Variants in OR3A2 observed in about 807,000 individuals in gnomAD.
OR3A2 encodes olfactory receptor family 3 subfamily A member 2.
For missense variants in OR3A2, 318 were observed against 392.8 expected (o/e 0.81, Z 1.61); for synonymous variants, 126 against 159.3 (o/e 0.79, Z 1.57).
intron 2 of OR3A2, among the ~76,000 whole-genome samples, chr17:3,353,577 G>T (rs2049438683): frequency 6.6e-6 from 1 of 151,718 alleles, no homozygotes; most frequent in Non-Finnish European, 1.5e-5. Context: ...TATCATAAAG[G>T]GATGTTGGAT....
Position 3,350,246 on chromosome 17 carries a change from A to T in OR3A2, c.-178-14120T>A, listed in dbSNP as rs374321116. 4.8e-3 allele frequency among the ~76,000 whole-genome samples: 736 copies of T among 152,130 alleles called. 4 individuals are homozygous for T. Among genetic ancestry groups the T allele is most frequent in the Non-Finnish European group, 7.5e-3 (510 of 67,934 alleles). On this transcript the variant is annotated intron_variant, in intron 2 of 4. Coordinates refer to the OR3A2 transcript ENST00000573491. ...TCAAAAAATTAACGAATCCAGGAGC[A>T]GGTTTTTTGAAAGGATCAACAAAAT... is the stretch of plus-strand genomic sequence containing the variant.
chr17:3,306,999 T>C (rs1435871142), intron 3 of OR3A2, among the ~76,000 whole-genome samples: 1 of 152,252 alleles, frequency 6.6e-6, no homozygotes, highest in East Asian at 1.9e-4. Context: ...GCGCATTTTG[T>C]ACAAAAGGTT....
chr17:3,367,601 G>GTATATATAATATATATATATATATATATA lies in OR3A2; in HGVS notation c.-179+16202_-179+16203insTATATATATATATATATATATTATATATA, dbSNP rs2049575498. Among the ~76,000 whole-genome samples, 10 of 122,536 alleles carry GTATATATAATATATATATATATATATATA rather than the reference G, an allele frequency of 8.2e-5. 2 individuals carry two copies. The highest frequency in any genetic ancestry group is 2.9e-4 in the African/African-American group (8 of 28,066). 80.4% of individuals were successfully genotyped at this position (122,536 alleles called of 152,430 possible). ...TGTATATGTATATGTGTGTGTGTGTGTATATATATATATATATATATGCCA... is the reference window on the plus strand; with the variant it reads ...TGTATATGTATATGTGTGTGTGTGTGTATATATAATATATATATATATATATATATATATATATATATATATATATGCCA... On this transcript the variant is annotated intron_variant, in intron 2 of 4. Coordinates refer to the OR3A2 transcript ENST00000573491.
intron 2 of OR3A2, among the ~76,000 whole-genome samples, chr17:3,343,216 G>A (rs1039931522): frequency 6.6e-6 from 1 of 152,190 alleles, no homozygotes; most frequent in African/African-American, 2.4e-5. Flanking sequence ...CACTTCCCAG[G>A]TGAGGCGATG....
chr17:3,346,421 G>C (rs1054997835), intron 2 of OR3A2, among the ~76,000 whole-genome samples: 4 of 152,144 alleles, frequency 2.6e-5, no homozygotes, highest in African/African-American at 9.7e-5. Context: ...TGGAGGGAAT[G>C]TTCCCTGTTT....
chr17:3,327,630 C>T (rs1407432262), intron 3 of OR3A2, among the ~76,000 whole-genome samples: 1 of 114,866 alleles, frequency 8.7e-6, no homozygotes, highest in Non-Finnish European at 1.7e-5. Context: ...AAGTCCTTGC[C>T]CATGCCTATG....
downstream of OR3A2, chr17:3,277,182 T>C: frequency 6.6e-6 from 1 of 152,302 alleles, no homozygotes; most frequent in Non-Finnish European, 1.5e-5. Context: ...CGCCTCGGCC[T>C]CCCAAAGTGC....
At chr17:3,331,058 T>G (rs1190753268) in intron 3 of OR3A2, among the ~76,000 whole-genome samples, 1 of 152,248 alleles carries the variant, frequency 6.6e-6, no homozygotes, top group Non-Finnish European at 1.5e-5. Context: ...TCTTCTGGCT[T>G]GTAGGGTTTC....
chr17:3,325,273 A>T (rs9898302), intron 3 of OR3A2, among the ~76,000 whole-genome samples: 1 of 142,242 alleles, frequency 7.0e-6, no homozygotes, highest in Non-Finnish European at 1.5e-5. Context: ...GCAGTGGTGC[A>T]ATCTCAACTC....
At chr17:3,328,165 G>A (rs1013036610) in intron 3 of OR3A2, among the ~76,000 whole-genome samples, 115 of 137,332 alleles carry the variant, frequency 8.4e-4, no homozygotes, top group African/African-American at 3.1e-3. Flanking sequence ...CCATTTTCAC[G>A]ATATTGATTC....
intron 3 of OR3A2, among the ~76,000 whole-genome samples, chr17:3,309,443 C>CT (rs1226418743): frequency 9.9e-5 from 15 of 152,214 alleles, no homozygotes; most frequent in Admixed American, 3.9e-4. Context: ...ACCTAAGACT[C>CT]TATTTGTGTG....
chr17:3,348,093 TTTG>T (rs1159581692), intron 2 of OR3A2, among the ~76,000 whole-genome samples: 1 of 152,074 alleles, frequency 6.6e-6, no homozygotes, highest in Non-Finnish European at 1.5e-5. Flanking sequence ...GATGGGGTTG[TTTG>T]TTTTTTTCTT....
chr17:3,339,084 A>G (rs555664856), intron 2 of OR3A2, among the ~76,000 whole-genome samples: 3 of 152,260 alleles, frequency 2.0e-5, no homozygotes, highest in African/African-American at 7.2e-5. Flanking sequence ...TTATTGGTGT[A>G]TAAGAATGCT....
intron 3 of OR3A2, among the ~76,000 whole-genome samples, chr17:3,334,125 A>G (rs370361): frequency 0.67 from 102,171 of 152,068 alleles, 35,521 homozygotes; most frequent in East Asian, 1. Flanking sequence ...GCGAGGTTGC[A>G]GAGAAAAAGG....
At chr17:3,304,211 A>C (rs59381824) in intron 3 of OR3A2, among the ~76,000 whole-genome samples, 1 of 151,968 alleles carries the variant, frequency 6.6e-6, no homozygotes, top group Admixed American at 6.6e-5. Flanking sequence ...ACTGCCTTAT[A>C]GTGTTTTTCT....
At chr17:3,350,951 G>C (rs995064575) in intron 2 of OR3A2, among the ~76,000 whole-genome samples, 2 of 151,634 alleles carry the variant, frequency 1.3e-5, no homozygotes, top group African/African-American at 4.9e-5. Context: ...TATCTCAATA[G>C]ATGCAGAAAA....
At position 3,366,038 on chromosome 17, in the gene OR3A2, T is replaced by A. The variant is rs2049559902; in HGVS notation, c.-179+17766A>T. 2.0e-5 allele frequency among the ~76,000 whole-genome samples: 3 copies of A among 152,176 alleles called. No individual in the cohort carries two copies. In the East Asian group the frequency reaches 5.8e-4, roughly 29 times the overall value. On this transcript the variant is annotated intron_variant, in intron 2 of 4. Transcript: ENST00000573491. Reference sequence around the variant, plus strand: ...TGTCTAGTCTTTCTTCAGTCCTGTGTATGTTCACTCAAGAGTCAAAATACC... The same window carrying A: ...TGTCTAGTCTTTCTTCAGTCCTGTGAATGTTCACTCAAGAGTCAAAATACC...
intron 2 of OR3A2, among the ~76,000 whole-genome samples, chr17:3,343,877 G>C (rs1392985158): frequency 6.6e-6 from 1 of 151,950 alleles, no homozygotes; most frequent in Admixed American, 6.6e-5. Flanking sequence ...CTCATTATTT[G>C]TTCAAGTAAC....
Position 3,310,598 on chromosome 17 carries a change from C to G in OR3A2, c.-85+25435G>C, listed in dbSNP as rs41425144. 4.4e-3 allele frequency: 2,370 copies of G among 538,926 alleles called. 47 individuals are homozygous for G. The highest frequency in any genetic ancestry group is 0.039 in the African/African-American group (2,056 of 52,144). The allele number at this position is 538,926 out of a possible 1,614,324, so 33.4% of individuals were successfully genotyped here. ...TCATATCCAACGACAGAAGCATTCC[C>G]TATAAGGCCTGCCTCTCCGAGCTCT... On this transcript the variant is annotated intron_variant, in intron 3 of 4. Coordinates refer to the OR3A2 transcript ENST00000573491.
Sources: allele counts gnomAD v4.1 joint callset (sites outside exome capture counted in the v4.1 genomes callset), GRCh38; gene constraint gnomAD v4.1.1; transcripts MANE v1.5; gene names NCBI Gene and HGNC (gene_info 2026-07-23, HGNC 2026-07-21).